FGGY: variants seen among roughly 807,000 people sequenced by gnomAD.
FGGY encodes FGGY carbohydrate kinase domain containing.
In FGGY, 72 loss-of-function variants were observed where a neutral mutation model predicts 71.3. The ratio of observed to expected loss-of-function variants is 1.01; its 90% confidence interval spans 0.84 to 1.23. The LOEUF is 1.23. FGGY is among the 50% of genes most tolerant of loss of function. The pLI is 0.00. For missense variants in FGGY, 668 were observed against 682.3 expected (o/e 0.98, Z 0.23); for synonymous variants, 251 against 250.3 (o/e 1.00, Z -0.02).
At chr1:59,664,064 A>C (rs766631669) in intron 12 of FGGY, among the ~76,000 whole-genome samples, 8 of 152,190 alleles carry the variant, frequency 5.3e-5, no homozygotes, top group Admixed American at 4.6e-4. Flanking sequence ...AAGACCTGTC[A>C]ACCACCCGGT....
intron 14 of FGGY, among the ~76,000 whole-genome samples, chr1:59,736,701 A>G (rs1243587524): frequency 6.6e-6 from 1 of 152,218 alleles, no homozygotes; most frequent in African/African-American, 2.4e-5. Flanking sequence ...TGTTGACGGC[A>G]TTCAGTTTCA....
chr1:59,681,794 A>G (rs564609925), intron 14 of FGGY, among the ~76,000 whole-genome samples: 1 of 106,088 alleles, frequency 9.4e-6, no homozygotes, highest in South Asian at 3.4e-4. Context: ...ACACACACAC[A>G]CACACACACA....
rs2094535453 is a variant in FGGY, at chr1:59,512,228, AAG to A, written c.671-80_671-79del. On this transcript the variant is annotated intron_variant, in intron 6 of 15. Coordinates refer to ENST00000303721, the MANE Select transcript of FGGY (RefSeq NM_018291.5). ...AATGCAGAGGAGGGAGGAGAGAGCA[AAG>A]AGTTTCTCTTAAAAAAAACCCTCTG... is the stretch of plus-strand genomic sequence containing the variant. The A allele has an allele frequency of 4.9e-6, 7 of 1,424,776 alleles. No homozygotes were observed. The South Asian group carries it at 8.8e-5, about 18-fold the overall frequency. The allele number at this position is 1,424,776 out of a possible 1,614,324, so 88.3% of individuals were successfully genotyped here.
chr1:59,392,898 T>C (rs2060866067), intron 5 of FGGY, among the ~76,000 whole-genome samples: 1 of 152,208 alleles, frequency 6.6e-6, no homozygotes, highest in Non-Finnish European at 1.5e-5. Context: ...TGTCAACCTG[T>C]ATTGTTAAAA....
In FGGY at chr1:59,669,540, C is replaced by CTTTTTTTTTT. The variant is rs58004594; in HGVS notation, c.1417+2153_1417+2162dup. The stretch of plus-strand genomic sequence containing the variant: ...CTGTGACATTCCAATTTCTAGACTT[C>CTTTTTTTTTT]TTTTTTTTTTTTTTTTTTTTTTTTT... On this transcript the variant is annotated intron_variant, in intron 13 of 15. Transcript: ENST00000303721. 7.0e-3 allele frequency among the ~76,000 whole-genome samples: 722 copies of CTTTTTTTTTT among 102,530 alleles called. 1 individual carries two copies. The highest frequency in any genetic ancestry group is 0.018 in the African/African-American group (467 of 26,346). The allele number at this position is 102,530 out of a possible 152,430, so 67.3% of individuals were successfully genotyped here.
At chr1:59,716,308 C>T (rs2097845711) in intron 14 of FGGY, among the ~76,000 whole-genome samples, 1 of 152,162 alleles carries the variant, frequency 6.6e-6, no homozygotes, top group African/African-American at 2.4e-5. Flanking sequence ...TTCCCAGTTT[C>T]CTATCAATTC....
At chr1:59,352,964 T>G (rs2053585442) in intron 4 of FGGY, among the ~76,000 whole-genome samples, 1 of 152,224 alleles carries the variant, frequency 6.6e-6, no homozygotes, top group South Asian at 2.1e-4. Context: ...TTAGTTACTG[T>G]CTAATTACTA....
chr1:59,679,209 G>A lies in FGGY; in HGVS notation c.1512+5076G>A, dbSNP rs542093655. Among the ~76,000 whole-genome samples, 52 of 152,182 alleles carry A rather than the reference G, an allele frequency of 3.4e-4. 1 individual carries two copies. Among genetic ancestry groups the A allele is most frequent in the Admixed American group, 7.8e-4 (12 of 15,300 alleles). Reference sequence around the variant, plus strand: ...TTTTTCATGAAATTCACTTCATTTAGGGCCAGTTATACTCATCACCTGTTA... The same window carrying A: ...TTTTTCATGAAATTCACTTCATTTAAGGCCAGTTATACTCATCACCTGTTA... On this transcript the variant is annotated intron_variant, in intron 14 of 15. Transcript: ENST00000303721.
At chr1:59,543,732 A>G (rs1198109260) in intron 7 of FGGY, among the ~76,000 whole-genome samples, 2 of 151,992 alleles carry the variant, frequency 1.3e-5, no homozygotes, top group African/African-American at 4.8e-5. Context: ...TAAATGTTCT[A>G]AAGAACCTGT....
intron 8 of FGGY, among the ~76,000 whole-genome samples, chr1:59,554,904 C>T (rs1354936909): frequency 6.6e-6 from 1 of 152,082 alleles, no homozygotes; most frequent in Non-Finnish European, 1.5e-5. Flanking sequence ...ATCGACGACT[C>T]TTTGGAATTT....
intron 4 of FGGY, among the ~76,000 whole-genome samples, chr1:59,353,100 C>G (rs1181005944): frequency 6.6e-6 from 1 of 152,172 alleles, no homozygotes; most frequent in African/African-American, 2.4e-5. Context: ...TTAAATTTTT[C>G]TGTACCACTT....
At chr1:59,533,339 C>T (rs540038186) in intron 7 of FGGY, among the ~76,000 whole-genome samples, 10 of 152,356 alleles carry the variant, frequency 6.6e-5, no homozygotes, top group South Asian at 4.1e-4. Context: ...GCACCTGGCT[C>T]GGAGGGTCCT....
At chr1:59,580,625 A>G (rs941620127) in intron 8 of FGGY, among the ~76,000 whole-genome samples, 2 of 152,172 alleles carry the variant, frequency 1.3e-5, no homozygotes, top group South Asian at 4.1e-4. Context: ...AGAGATGACA[A>G]ATTCAGCAAC....
At chr1:59,350,065 G>A (rs2052936562) in intron 4 of FGGY, among the ~76,000 whole-genome samples, 1 of 152,176 alleles carries the variant, frequency 6.6e-6, no homozygotes, top group Non-Finnish European at 1.5e-5. Context: ...GGAGACACAG[G>A]AAAGTTTGAT....
intron 8 of FGGY, among the ~76,000 whole-genome samples, chr1:59,592,065 T>C (rs904299480): frequency 6.6e-6 from 1 of 152,276 alleles, no homozygotes; most frequent in South Asian, 2.1e-4. Context: ...ATATTCAGAA[T>C]CTACAATGAA....
chr1:59,336,474 T>C (rs1217910039), intron 2 of FGGY, among the ~76,000 whole-genome samples: 1 of 94,806 alleles, frequency 1.1e-5, no homozygotes, highest in Non-Finnish European at 1.9e-5. Context: ...AAATAAAACC[T>C]GCTAGTTTTT....
At chr1:59,462,760 A>G (rs1449128637) in intron 6 of FGGY, among the ~76,000 whole-genome samples, 1 of 152,178 alleles carries the variant, frequency 6.6e-6, no homozygotes, top group Non-Finnish European at 1.5e-5. Flanking sequence ...ACAATGAGAT[A>G]CCATCTCACA....
At chr1:59,641,464 A>G in intron 11 of FGGY, 1 of 808,698 alleles carries the variant, frequency 1.2e-6, no homozygotes, top group South Asian at 1.6e-5. Flanking sequence ...ACAGAAAAGT[A>G]CCTATCCTAA....
At chr1:59,582,325 C>G (rs2096209515) in intron 8 of FGGY, among the ~76,000 whole-genome samples, 1 of 150,120 alleles carries the variant, frequency 6.7e-6, no homozygotes, top group Non-Finnish European at 1.5e-5. Flanking sequence ...GGGAAAAGGT[C>G]TTGGCCATTA....
Sources: gnomAD v4.1 joint callset for allele counts (sites outside exome capture counted in the v4.1 genomes callset) on GRCh38, gnomAD v4.1.1 for gene constraint, MANE v1.5 for transcripts, NCBI Gene and HGNC (gene_info 2026-07-23, HGNC 2026-07-21) for gene names.